The following CCDC70 variants were observed in gnomAD, a reference collection of about 807,000 sequenced individuals.
The protein encoded by CCDC70 is coiled-coil domain-containing protein 70.
Under a neutral mutation model 9.1 loss-of-function variants are expected in CCDC70, and 4 were observed. The observed-to-expected ratio is 0.44, with a 90% confidence interval of 0.22 to 1.00. The LOEUF is 1.00. CCDC70 is among the 50% of genes least tolerant of loss of function. CCDC70 has a pLI of 0.25. For missense variants in CCDC70, 308 were observed against 271.3 expected (o/e 1.14, Z -0.95); for synonymous variants, 119 against 94.0 (o/e 1.27, Z -1.54).
In CCDC70 at chr13:51,866,165, T is replaced by C; in HGVS notation, c.*85T>C. 1 of 1,109,484 alleles carries C rather than the reference T, an allele frequency of 9.0e-7. No individual in the cohort carries two copies. Among genetic ancestry groups the C allele is most frequent in the Non-Finnish European group, 1.3e-6 (1 of 791,942 alleles). 68.7% of individuals were successfully genotyped at this position (1,109,484 alleles called of 1,614,324 possible). On this transcript the variant is annotated 3_prime_UTR_variant, in exon 2 of 2. Coordinates refer to ENST00000242819, the MANE Select transcript of CCDC70 (RefSeq NM_031290.4). ...GGGTGAGCCCATGTGCTGGAGAAAA[T>C]ACACACTCATTGGTCTCCTTGCTTT...
chr13:51,862,926 G>A (rs1042681675), intron 1 of CCDC70, among the ~76,000 whole-genome samples: 1 of 152,188 alleles, frequency 6.6e-6, no homozygotes, highest in African/African-American at 2.4e-5. Flanking sequence ...TAGCTGCTGG[G>A]TTACAGAGAT....
chr13:51,863,173 G>C (rs1057285986), intron 1 of CCDC70, among the ~76,000 whole-genome samples: 6 of 152,246 alleles, frequency 3.9e-5, no homozygotes, highest in African/African-American at 1.4e-4. Flanking sequence ...AGTGCCAAGA[G>C]CTGAATAGAG....
At chr13:51,864,948 G>A (rs997216827) in intron 1 of CCDC70, among the ~76,000 whole-genome samples, 3 of 152,186 alleles carry the variant, frequency 2.0e-5, no homozygotes, top group Non-Finnish European at 4.4e-5. Context: ...ACATTCACAC[G>A]TGAGCATGCC....
Position 51,865,780 on chromosome 13 carries a change from C to G in CCDC70, c.369C>G (p.Ala123=), listed in dbSNP as rs755688405. The G allele has an allele frequency of 1.2e-6, 2 of 1,614,160 alleles. No individual in the cohort carries two copies. Among genetic ancestry groups the G allele is most frequent in the Non-Finnish European group, 1.7e-6 (2 of 1,180,032 alleles). ...KYRTFWKEDK[A]FWKEDNALWE... is the part of the protein sequence containing the mutation. ...GCACTTTCTGGAAGGAGGATAAGGC[C>G]TTCTGGAAAGAGGACAATGCCTTAT... Residue 123 remains alanine (A), a synonymous_variant, in exon 2 of 2, where the codon GCC becomes GCG. Coordinates refer to ENST00000242819, the MANE Select transcript of CCDC70 (RefSeq NM_031290.4).
chr13:51,864,762 C>T (rs1956406562), intron 1 of CCDC70, among the ~76,000 whole-genome samples: 1 of 152,184 alleles, frequency 6.6e-6, no homozygotes, highest in South Asian at 2.1e-4. Context: ...TTCCATATTA[C>T]TAAATATTGT....
Position 51,865,703 on chromosome 13 carries a change from G to C in CCDC70, c.292G>C (p.Glu98Gln), listed in dbSNP as rs1477446812. The change falls in exon 2 of 2, where the codon GAA (glutamate) becomes CAA (glutamine). Residue 98 changes from glutamate (E) to glutamine (Q), a missense_variant. By Grantham distance (29) the Glu-to-Gln change is conservative. Coordinates refer to ENST00000242819, the MANE Select transcript of CCDC70 (RefSeq NM_031290.4). ...CTGGAAAGAGGAAAAATCCTTCTGG[G>C]AAATGGAAAAGTCTTTCAGGGAGGA... ...TFWKEEKSFW[E>Q]MEKSFREEEK... 1.9e-6 allele frequency: 3 copies of C among 1,614,068 alleles called. No homozygotes were observed. The African/African-American group carries it at 4.0e-5, about 22-fold the overall frequency.
intron 1 of CCDC70, 114 bp from the exon 2 acceptor site, chr13:51,865,218 C>A: frequency 1.7e-6 from 1 of 575,100 alleles, no homozygotes; most frequent in Non-Finnish European, 2.9e-6. Context: ...TCACAAACAC[C>A]ACCATGTGGA....
chr13:51,864,793 T>C (rs533858714), intron 1 of CCDC70, among the ~76,000 whole-genome samples: 1 of 152,326 alleles, frequency 6.6e-6, no homozygotes, highest in East Asian at 1.9e-4. Context: ...TCTTGGTCCA[T>C]GTCCCTGGAA....
At chr13:51,863,188 T>C (rs1263150953) in intron 1 of CCDC70, among the ~76,000 whole-genome samples, 2 of 152,178 alleles carry the variant, frequency 1.3e-5, no homozygotes, top group South Asian at 2.1e-4. Flanking sequence ...ATAGAGCCCG[T>C]TAATACTGGG....
chr13:51,865,867 G>A lies in CCDC70; in HGVS notation c.456G>A (p.Leu152=), dbSNP rs775019172. Reference sequence around the variant, plus strand: ...CCCTGTGGGAGGAAGAAAAGGCCCTGTGGGTAGAGGAAAGAGCCCTCCTTG... The same window carrying A: ...CCCTGTGGGAGGAAGAAAAGGCCCTATGGGTAGAGGAAAGAGCCCTCCTTG... ...DKALWEEEKA[L]WVEERALLEG... is the part of the protein sequence containing the mutation. The change falls in exon 2 of 2, where the codon CTG becomes CTA. Residue 152 remains leucine, a synonymous_variant. Transcript: ENST00000242819. 4.3e-6 allele frequency: 7 copies of A among 1,613,414 alleles called. No homozygotes were observed. Among genetic ancestry groups the A allele is most frequent in the Non-Finnish European group, 5.1e-6 (6 of 1,179,860 alleles).
At chr13:51,863,996 AG>A (rs1234419561) in intron 1 of CCDC70, among the ~76,000 whole-genome samples, 3 of 152,136 alleles carry the variant, frequency 2.0e-5, no homozygotes, top group African/African-American at 7.2e-5. Flanking sequence ...TCATGTTTGT[AG>A]TTACAGGGAT....
In CCDC70 at chr13:51,865,595, C is replaced by G. The variant is rs200088564; in HGVS notation, c.184C>G (p.Arg62Gly). 6.2e-7 allele frequency: 1 copy of G among 1,614,070 alleles called. No individual in the cohort carries two copies. The highest frequency in any genetic ancestry group is 8.5e-7 in the Non-Finnish European group (1 of 1,180,010). ...CTTCAGGGAAGAGATGTGGACTTTCCGAGGCAAGATCCATGCTTTCCGGGG... is the reference window on the plus strand; with the variant it reads ...CTTCAGGGAAGAGATGTGGACTTTCGGAGGCAAGATCCATGCTTTCCGGGG... ...EDFREEMWTF[R>G]GKIHAFRGQI... The change falls in exon 2 of 2, where the codon CGA (arginine) becomes GGA (glycine). Residue 62 changes from arginine to glycine, a missense_variant. By Grantham distance (125) the Arg-to-Gly change is moderately radical. Transcript: ENST00000242819.
Position 51,865,806 on chromosome 13 carries a change from G to A in CCDC70, c.395G>A (p.Trp132Ter). Residue 132 changes from tryptophan to a stop codon, truncating the protein, a stop_gained, in exon 2 of 2, where the codon TGG becomes TAG. Coordinates refer to ENST00000242819, the MANE Select transcript of CCDC70 (RefSeq NM_031290.4). LOFTEE classifies it low-confidence loss of function (END_TRUNC). Reference protein sequence around the residue: ...KAFWKEDNALWERDRNLLQED... With the variant: ...KAFWKEDNAL ...TTCTGGAAAGAGGACAATGCCTTATGGGAAAGAGACCGGAACCTTCTTCAG... is the reference window on the plus strand; with the variant it reads ...TTCTGGAAAGAGGACAATGCCTTATAGGAAAGAGACCGGAACCTTCTTCAG... The A allele has an allele frequency of 6.2e-7, 1 of 1,614,216 alleles. No homozygotes were observed. Among genetic ancestry groups the A allele is most frequent in the African/African-American group, 1.3e-5 (1 of 75,052 alleles).
chr13:51,865,510 G>A lies in CCDC70; in HGVS notation c.99G>A (p.Lys33=). ...TTCGCCAGAAGAAACTAATGCACAA[G>A]CTGCAGGAGGAAAAGGCTTTTCGCG... ...PSIRQKKLMH[K]LQEEKAFREE... The change falls in exon 2 of 2, where the codon AAG becomes AAA. Residue 33 remains lysine (K), a synonymous_variant. Coordinates refer to ENST00000242819, the MANE Select transcript of CCDC70 (RefSeq NM_031290.4). 6.2e-7 allele frequency: 1 copy of A among 1,614,220 alleles called. No individual in the cohort carries two copies.
chr13:51,865,959 A>C lies in CCDC70; in HGVS notation c.548A>C (p.Glu183Ala), dbSNP rs762456119. Residue 183 changes from glutamate (E) to alanine (A), a missense_variant, in exon 2 of 2, where the codon GAA becomes GCA. Physicochemically the swap from Glu to Ala is moderately radical, Grantham distance 107. Coordinates refer to ENST00000242819, the MANE Select transcript of CCDC70 (RefSeq NM_031290.4). ...LWEEENALWEEERAFWMENNG... is the reference protein window; with the variant it reads ...LWEEENALWEAERAFWMENNG... ...GAGGAAGAGAATGCCCTCTGGGAGG[A>C]AGAGAGGGCCTTCTGGATGGAGAAC... 1 of 1,614,066 alleles carries C rather than the reference A, an allele frequency of 6.2e-7. No homozygotes were observed. Among genetic ancestry groups the C allele is most frequent in the Non-Finnish European group, 8.5e-7 (1 of 1,179,990 alleles).
chr13:51,865,548 T>C lies in CCDC70; in HGVS notation c.137T>C (p.Ile46Thr), dbSNP rs763817679. The C allele has an allele frequency of 1.3e-5, 21 of 1,613,904 alleles. No individual in the cohort carries two copies. The South Asian group carries it at 1.9e-4, about 14-fold the overall frequency. ...AAGGCTTTTCGCGAAGAGATGAAAA[T>C]TTTTCGTGAAAAAATAGAGGACTTC... ...EEKAFREEMK[I>T]FREKIEDFRE... Residue 46 changes from isoleucine (I) to threonine (T), a missense_variant, in exon 2 of 2, where the codon ATT becomes ACT. Transcript: ENST00000242819.
chr13:51,865,807 G>C lies in CCDC70; in HGVS notation c.396G>C (p.Trp132Cys), dbSNP rs1278645998. ...TCTGGAAAGAGGACAATGCCTTATG[G>C]GAAAGAGACCGGAACCTTCTTCAGG... is the stretch of plus-strand genomic sequence containing the variant. ...KAFWKEDNAL[W>C]ERDRNLLQED... is the part of the protein sequence containing the mutation. Residue 132 changes from tryptophan (W) to cysteine (C), a missense_variant, in exon 2 of 2, where the codon TGG (tryptophan) becomes TGC (cysteine). Transcript: ENST00000242819. 6.2e-7 allele frequency: 1 copy of C among 1,614,214 alleles called. No individual in the cohort carries two copies. The highest frequency in any genetic ancestry group is 1.1e-5 in the South Asian group (1 of 91,078).
chr13:51,864,311 C>A (rs1156737449), intron 1 of CCDC70, among the ~76,000 whole-genome samples: 2 of 152,158 alleles, frequency 1.3e-5, no homozygotes, highest in African/African-American at 2.4e-5. Flanking sequence ...CAAGTACTCA[C>A]CTAATCACAC....
intron 1 of CCDC70, among the ~76,000 whole-genome samples, chr13:51,862,735 A>G (rs1339137683): frequency 6.6e-6 from 1 of 152,164 alleles, no homozygotes; most frequent in Non-Finnish European, 1.5e-5. Context: ...TTGGGCAAGG[A>G]TATCCAGGGA....
Sources: gnomAD v4.1 joint callset for allele counts (sites outside exome capture counted in the v4.1 genomes callset) on GRCh38, gnomAD v4.1.1 for gene constraint, MANE v1.5 for transcripts, NCBI Gene and HGNC (gene_info 2026-07-23, HGNC 2026-07-21) for gene names.